The following AGBL1 variants were observed in gnomAD, a reference collection of about 807,000 sequenced individuals.
The protein encoded by AGBL1 is AGBL carboxypeptidase 1.
Under a neutral mutation model 118.9 loss-of-function variants are expected in AGBL1, and 130 were observed. The ratio of observed to expected loss-of-function variants is 1.09; its 90% CI spans 0.95 to 1.26. The LOEUF is 1.26. Ranked by LOEUF, AGBL1 falls within the 50% of genes most tolerant of loss-of-function variation. The probability of loss-of-function intolerance (pLI) is 0.00; values close to 1 mark genes in which losing one functional copy is unlikely to be tolerated. For missense variants in AGBL1, 1,584 were observed against 1,298.1 expected, an observed-to-expected ratio of 1.22 and a Z score of -3.38; for synonymous variants, 555 against 478.9, an observed-to-expected ratio of 1.16 and a Z score of -2.08.
At chr15:86,184,230 T>C (rs2077592657) in intron 5 of AGBL1, among the ~76,000 whole-genome samples, 1 of 152,144 alleles carries the variant, frequency 6.6e-6, no homozygotes, top group Admixed American at 6.6e-5. Context: ...TCATTCCAAG[T>C]AGCATCCTAG....
chr15:86,538,581 T>A (rs1206475612), intron 19 of AGBL1, among the ~76,000 whole-genome samples: 2 of 152,264 alleles, frequency 1.3e-5, no homozygotes, highest in African/African-American at 4.8e-5. Flanking sequence ...AGGGCTTTAG[T>A]TAGCCTCAGT....
intron 22 of AGBL1, among the ~76,000 whole-genome samples, chr15:86,678,023 A>G (rs373749189): frequency 3.3e-5 from 5 of 152,112 alleles, no homozygotes; most frequent in Admixed American, 6.6e-5. Context: ...ATAAAATTGT[A>G]TGTGTTTATT....
At chr15:86,166,568 C>A (rs1275493052) in intron 5 of AGBL1, among the ~76,000 whole-genome samples, 1 of 152,140 alleles carries the variant, frequency 6.6e-6, no homozygotes, top group African/African-American at 2.4e-5. Context: ...GGGCTCTAGT[C>A]CCTGTTTCTC....
intron 5 of AGBL1, among the ~76,000 whole-genome samples, chr15:86,187,499 C>G (rs528953130): frequency 1.3e-5 from 2 of 152,240 alleles, no homozygotes; most frequent in South Asian, 4.1e-4. Context: ...AGAGTGGGCT[C>G]CCTCTCTTTC....
chr15:86,612,132 T>G (rs866337306), intron 21 of AGBL1, among the ~76,000 whole-genome samples: 2 of 152,040 alleles, frequency 1.3e-5, no homozygotes, highest in African/African-American at 4.8e-5. Flanking sequence ...ATAGTGCTCT[T>G]CACTTTTTGG....
At chr15:86,158,865 A>T in intron 4 of AGBL1, 68 bp from the exon 5 acceptor site, 1 of 1,412,236 alleles carries the variant, frequency 7.1e-7, no homozygotes, top group Non-Finnish European at 1.0e-6. Context: ...AAAGGAGTCA[A>T]TCCAAGTTGT....
chr15:86,836,859 A>G (rs923005358), intron 22 of AGBL1, among the ~76,000 whole-genome samples: 4 of 152,170 alleles, frequency 2.6e-5, no homozygotes, highest in Non-Finnish European at 5.9e-5. Flanking sequence ...CATTCCTGCT[A>G]TGTCTTGTCC....
At position 86,197,390 on chromosome 15, in the gene AGBL1, G is replaced by A. The variant is rs572577873; in HGVS notation, c.489-27524G>A. 2.6e-5 allele frequency among the ~76,000 whole-genome samples: 4 copies of A among 152,318 alleles called. No homozygotes were observed. In the South Asian group the frequency reaches 6.2e-4, roughly 24 times the overall value. On this transcript the variant is annotated intron_variant, in intron 5 of 22. Coordinates refer to ENST00000614907, the MANE Select transcript of AGBL1 (RefSeq NM_001386094.1). ...AAGTAAGGACATCAAAAGCCATTCT[G>A]GCAAGGAATTAGATGGAAATGAGAA...
intron 18 of AGBL1, among the ~76,000 whole-genome samples, chr15:86,467,679 C>T (rs1200177031): frequency 1.3e-5 from 2 of 152,222 alleles, no homozygotes; most frequent in Non-Finnish European, 1.5e-5. Flanking sequence ...CCAGAATGCA[C>T]TGCCCCTCAT....
intron 23 of AGBL1, among the ~76,000 whole-genome samples, chr15:86,984,770 T>G (rs976229230): frequency 6.6e-6 from 1 of 152,192 alleles, no homozygotes; most frequent in African/African-American, 2.4e-5. Flanking sequence ...GGCTTGCTTT[T>G]TTATTTTAAC....
chr15:86,724,393 GA>G (rs2086788137), intron 22 of AGBL1, among the ~76,000 whole-genome samples: 1 of 151,782 alleles, frequency 6.6e-6, no homozygotes, highest in South Asian at 2.1e-4. Flanking sequence ...CAAGAATTAT[GA>G]CAAGCATTAG....
intron 22 of AGBL1, among the ~76,000 whole-genome samples, chr15:86,777,622 G>C (rs1208220039): frequency 6.6e-6 from 1 of 152,030 alleles, no homozygotes; most frequent in Non-Finnish European, 1.5e-5. Flanking sequence ...AGATATATCT[G>C]TTTTTATTTA....
chr15:86,556,444 C>T (rs994586771), intron 21 of AGBL1, among the ~76,000 whole-genome samples: 8 of 152,126 alleles, frequency 5.3e-5, no homozygotes, highest in South Asian at 2.1e-4. Context: ...AACACTTCTC[C>T]GAATGTATTA....
intron 19 of AGBL1, among the ~76,000 whole-genome samples, chr15:86,539,768 C>G (rs957488049): frequency 6.6e-6 from 1 of 152,198 alleles, no homozygotes; most frequent in Non-Finnish European, 1.5e-5. Flanking sequence ...AGAAGCACCA[C>G]ATAGCACACT....
chr15:86,489,184 G>A (rs1314435654), intron 18 of AGBL1, among the ~76,000 whole-genome samples: 1 of 152,070 alleles, frequency 6.6e-6, no homozygotes, highest in Admixed American at 6.5e-5. Context: ...GCACTGCCCT[G>A]GCATCTTTGC....
chr15:86,876,479 G>A (rs993216885), intron 22 of AGBL1, among the ~76,000 whole-genome samples: 80 of 152,246 alleles, frequency 5.3e-4, no homozygotes, highest in African/African-American at 1.9e-3. Flanking sequence ...GACTCCTCAG[G>A]AACTCCCTCT....
chr15:86,617,300 A>G (rs1247454673), intron 21 of AGBL1, among the ~76,000 whole-genome samples: 1 of 152,196 alleles, frequency 6.6e-6, no homozygotes, highest in Non-Finnish European at 1.5e-5. Context: ...TATTCCTGTG[A>G]CCTTTCAGAG....
In AGBL1 at chr15:86,224,927, G is replaced by T. The variant is rs754690829; in HGVS notation, c.502G>T (p.Val168Phe). 6 of 1,613,074 alleles carry T rather than the reference G, an allele frequency of 3.7e-6. No individual in the cohort carries two copies. The highest frequency in any genetic ancestry group is 5.1e-6 in the Non-Finnish European group (6 of 1,179,384). ...RTQAIRAATE[V>F]LAALLKSKSN... ...CTCTTTCCCCAGGGCAGCCACTGAAGTTTTGGCAGCATTGCTGAAATCCAG... is the reference window on the plus strand; with the variant it reads ...CTCTTTCCCCAGGGCAGCCACTGAATTTTTGGCAGCATTGCTGAAATCCAG... The change falls in exon 6 of 23, where the codon GTT (valine) becomes TTT (phenylalanine). Residue 168 changes from valine to phenylalanine, a missense_variant. Val to Phe is a conservative substitution (Grantham distance 50). Transcript: ENST00000614907.
intron 24 of AGBL1, among the ~76,000 whole-genome samples, chr15:86,990,528 G>C (rs2081328183): frequency 6.6e-6 from 1 of 151,998 alleles, no homozygotes; most frequent in African/African-American, 2.4e-5. Context: ...AAAAAAAAGA[G>C]AAAGGTTTGG....
Sources: allele counts gnomAD v4.1 joint callset (sites outside exome capture counted in the v4.1 genomes callset), GRCh38; gene constraint gnomAD v4.1.1; transcripts MANE v1.5; gene names NCBI Gene and HGNC (gene_info 2026-07-23, HGNC 2026-07-21).